DIS3L2: variants seen among roughly 807,000 people sequenced by gnomAD.
DIS3L2 encodes the protein DIS3 like 3'-5' exoribonuclease 2, also known as DIS3-like exonuclease 2.
DIS3L2 carries 34 observed loss-of-function variants against 97.5 expected under a neutral mutation model. The observed-to-expected ratio is 0.35, with a 90% CI of 0.27 to 0.46. The LOEUF is 0.46. Among genes scored for constraint, DIS3L2 ranks in the 20% least tolerant of loss-of-function variants. The pLI, the probability that DIS3L2 is intolerant of heterozygous loss-of-function variation, is 1.00. For synonymous variants in DIS3L2, 435 were observed against 445.2 expected (o/e 0.98, Z 0.29); for missense variants, 1,038 against 1,146.0 (o/e 0.91, Z 1.36).
intron 11 of DIS3L2, among the ~76,000 whole-genome samples, chr2:232,247,981 G>A (rs1365188532): frequency 6.6e-6 from 1 of 152,154 alleles, no homozygotes; most frequent in Non-Finnish European, 1.5e-5. Context: ...GAGTTATCAG[G>A]TAGTCATTAA....
At chr2:231,981,339 T>TTCTCC (rs1290097160) in intron 1 of DIS3L2, among the ~76,000 whole-genome samples, 1 of 152,058 alleles carries the variant, frequency 6.6e-6, no homozygotes, top group East Asian at 1.9e-4. Context: ...TGATCTTTTT[T>TTCTCC]TCTCCTTGCA....
At chr2:232,308,524 C>T (rs1296308780) in intron 14 of DIS3L2, among the ~76,000 whole-genome samples, 1 of 152,206 alleles carries the variant, frequency 6.6e-6, no homozygotes, top group South Asian at 2.1e-4. Flanking sequence ...CATCATTAAA[C>T]TTACTAGCTG....
intron 9 of DIS3L2, among the ~76,000 whole-genome samples, chr2:232,200,676 T>C (rs1185127954): frequency 6.6e-6 from 1 of 151,604 alleles, no homozygotes; most frequent in Non-Finnish European, 1.5e-5. Flanking sequence ...AGCCAGCAAA[T>C]GTAGGAGATA....
At chr2:232,257,504 C>T (rs939240404) in intron 12 of DIS3L2, among the ~76,000 whole-genome samples, 3 of 152,204 alleles carry the variant, frequency 2.0e-5, no homozygotes, top group African/African-American at 7.2e-5. Flanking sequence ...CTCCACCTCC[C>T]TCCCACCCTC....
In DIS3L2 at chr2:232,281,334, G is replaced by A. The variant is rs1426785406; in HGVS notation, c.1659+17894G>A. On this transcript the variant is annotated intron_variant, in intron 13 of 20. Coordinates refer to ENST00000325385, the MANE Select transcript of DIS3L2 (RefSeq NM_152383.5). The surrounding 1 kb of genome is among the most constrained non-coding windows in gnomAD (Gnocchi z 4.1). ...GAAGGGCGTGAACCCGGGAGGCGGA[G>A]CTTGCAGTGAGCCGAGATGGCGCCA... is the stretch of plus-strand genomic sequence containing the variant. 4.6e-5 allele frequency among the ~76,000 whole-genome samples: 7 copies of A among 152,232 alleles called. No homozygotes were observed. Among genetic ancestry groups the A allele is most frequent in the African/African-American group, 1.7e-4 (7 of 41,452 alleles).
At chr2:232,182,372 A>T (rs910876406) in intron 9 of DIS3L2, among the ~76,000 whole-genome samples, 5 of 152,224 alleles carry the variant, frequency 3.3e-5, no homozygotes, top group Admixed American at 3.3e-4. Flanking sequence ...TATCCACTTT[A>T]GAAGAATATG....
intron 5 of DIS3L2, among the ~76,000 whole-genome samples, chr2:232,083,839 T>C (rs1209356377): frequency 6.6e-6 from 1 of 152,172 alleles, no homozygotes; most frequent in Non-Finnish European, 1.5e-5. Flanking sequence ...CTAGACCAAC[T>C]GCAGCATGAC....
At chr2:232,332,906 C>T (rs1184356290) in intron 16 of DIS3L2, among the ~76,000 whole-genome samples, 1 of 152,098 alleles carries the variant, frequency 6.6e-6, no homozygotes, top group African/African-American at 2.4e-5. Context: ...GCTCCAAGAG[C>T]CTGAGGCCCG....
At chr2:232,327,477 A>C (rs1695610843) in intron 14 of DIS3L2, among the ~76,000 whole-genome samples, 1 of 152,198 alleles carries the variant, frequency 6.6e-6, no homozygotes, top group African/African-American at 2.4e-5. Flanking sequence ...GTTTTTATGG[A>C]GTGAGAGGGC....
intron 13 of DIS3L2, among the ~76,000 whole-genome samples, chr2:232,290,339 C>T (rs1397029719): frequency 1.3e-5 from 2 of 152,356 alleles, no homozygotes; most frequent in East Asian, 3.9e-4. Context: ...CGGGAAGCTG[C>T]TGAGGTAAAG....
intron 20 of DIS3L2, chr2:232,336,176 A>G (rs1695938709): frequency 6.5e-7 from 1 of 1,532,916 alleles, no homozygotes. Flanking sequence ...CTATGAGTTT[A>G]CACCCAAGAA....
chr2:232,099,440 C>A (rs974955447), intron 6 of DIS3L2, among the ~76,000 whole-genome samples: 5 of 152,094 alleles, frequency 3.3e-5, no homozygotes, highest in Non-Finnish European at 5.9e-5. Flanking sequence ...GGTCTGAACT[C>A]CTGGCCTCAA....
At chr2:231,988,866 A>G (rs1054232583) in intron 1 of DIS3L2, among the ~76,000 whole-genome samples, 1 of 152,360 alleles carries the variant, frequency 6.6e-6, no homozygotes, top group East Asian at 1.9e-4. Flanking sequence ...AATAAAAACA[A>G]GTTTTTATGA....
chr2:232,341,639 T>G (rs1696103145), downstream of DIS3L2, among the ~76,000 whole-genome samples: 1 of 152,150 alleles, frequency 6.6e-6, no homozygotes, highest in Non-Finnish European at 1.5e-5. Context: ...GTTGGTGAAA[T>G]GGAAGCTAAA....
chr2:232,282,863 G>A (rs1013354593), intron 13 of DIS3L2, among the ~76,000 whole-genome samples: 5 of 152,192 alleles, frequency 3.3e-5, no homozygotes, highest in Non-Finnish European at 5.9e-5. Context: ...TGAATCTGGC[G>A]TGGGGATGGC....
intron 1 of DIS3L2, among the ~76,000 whole-genome samples, chr2:232,013,317 C>T (rs1694263712): frequency 6.6e-6 from 1 of 152,188 alleles, no homozygotes; most frequent in Non-Finnish European, 1.5e-5. Flanking sequence ...TTTTTCTCTT[C>T]TGCTCATTCA....
chr2:232,010,011 C>G (rs569980039), intron 1 of DIS3L2, among the ~76,000 whole-genome samples: 44 of 152,264 alleles, frequency 2.9e-4, no homozygotes, highest in Non-Finnish European at 5.9e-4. Flanking sequence ...CTTGTCCTAC[C>G]CTGGTAGCTT....
chr2:232,256,993 C>G (rs1693584079), intron 12 of DIS3L2, among the ~76,000 whole-genome samples: 1 of 151,890 alleles, frequency 6.6e-6, no homozygotes, highest in African/African-American at 2.4e-5. Flanking sequence ...TGGTGGGCAC[C>G]TGTAGTCCCA....
chr2:232,146,809 T>C (rs1414374247), intron 8 of DIS3L2, among the ~76,000 whole-genome samples: 1 of 152,204 alleles, frequency 6.6e-6, no homozygotes, highest in African/African-American at 2.4e-5. Flanking sequence ...TTGGGCACTC[T>C]AGTTTTTGTT....
Sources: allele counts gnomAD v4.1 joint callset (sites outside exome capture counted in the v4.1 genomes callset), GRCh38; gene constraint gnomAD v4.1.1; non-coding constraint Gnocchi (gnomAD v3.1); transcripts MANE v1.5; gene names NCBI Gene and HGNC (gene_info 2026-07-23, HGNC 2026-07-21).